PTPRG: variants seen among roughly 807,000 people sequenced by gnomAD.
The protein encoded by PTPRG is protein tyrosine phosphatase receptor type G.
PTPRG carries 102 observed loss-of-function variants against 165.3 expected under a neutral mutation model. The ratio of observed to expected loss-of-function variants is 0.62; its 90% CI spans 0.53 to 0.73. PTPRG has a LOEUF of 0.73. Among genes scored for constraint, PTPRG ranks in the 30% least tolerant of loss-of-function variants. The probability of loss-of-function intolerance (pLI) is 0.00; values close to 1 mark genes in which losing one functional copy is unlikely to be tolerated. For missense variants in PTPRG, 1,866 were observed against 1,861.4 expected (o/e 1.00, Z -0.05); for synonymous variants, 675 against 669.5 (o/e 1.01, Z -0.13).
At chr3:62,022,437 G>A (rs1200236483) in intron 4 of PTPRG, among the ~76,000 whole-genome samples, 1 of 152,142 alleles carries the variant, frequency 6.6e-6, no homozygotes, top group Non-Finnish European at 1.5e-5. Flanking sequence ...CAGACATAAT[G>A]CTTGTCACCT....
intron 2 of PTPRG, among the ~76,000 whole-genome samples, chr3:61,905,151 T>C (rs925967815): frequency 6.6e-6 from 1 of 152,214 alleles, no homozygotes; most frequent in Non-Finnish European, 1.5e-5. Flanking sequence ...TCTGATAGTC[T>C]GACTGCTCTG....
At chr3:61,752,795 A>AAAAAAAAAG (rs1553660803) in intron 2 of PTPRG, among the ~76,000 whole-genome samples, 4 of 108,248 alleles carry the variant, frequency 3.7e-5, no homozygotes, top group Admixed American at 1.0e-4. Context: ...CAAAAAAAAA[A>AAAAAAAAAG]AAAAAAGAAA....
At chr3:61,639,829 T>C (rs1575556912) in intron 1 of PTPRG, among the ~76,000 whole-genome samples, 1 of 143,540 alleles carries the variant, frequency 7.0e-6, no homozygotes, top group African/African-American at 2.6e-5. Context: ...TTTCTAGTTA[T>C]ACAGTCATAT....
chr3:61,883,179 A>G (rs2107475518), intron 2 of PTPRG, among the ~76,000 whole-genome samples: 1 of 152,342 alleles, frequency 6.6e-6, no homozygotes, highest in African/African-American at 2.4e-5. Flanking sequence ...GTAAAGGTTT[A>G]TCTTTACAAT....
intron 26 of PTPRG, among the ~76,000 whole-genome samples, chr3:62,280,973 G>C (rs372975318): frequency 6.6e-6 from 1 of 152,096 alleles, no homozygotes. Context: ...CACTGTATTT[G>C]GGAATCATGC....
intron 2 of PTPRG, among the ~76,000 whole-genome samples, chr3:61,774,870 C>G (rs1403716277): frequency 6.6e-6 from 1 of 152,032 alleles, no homozygotes; most frequent in Non-Finnish European, 1.5e-5. Context: ...ACTGAGTGAC[C>G]CAGAGATTGG....
intron 5 of PTPRG, among the ~76,000 whole-genome samples, chr3:62,081,964 C>A (rs963455487): frequency 3.3e-5 from 5 of 152,158 alleles, no homozygotes; most frequent in African/African-American, 1.2e-4. Context: ...ACACAATCTT[C>A]TCCTGTGCAC....
intron 1 of PTPRG, among the ~76,000 whole-genome samples, chr3:61,667,268 T>C (rs988109426): frequency 2.0e-5 from 3 of 152,204 alleles, no homozygotes; most frequent in African/African-American, 7.2e-5. Flanking sequence ...GGTGGGACAT[T>C]CTAACCTCGA....
intron 8 of PTPRG, among the ~76,000 whole-genome samples, chr3:62,174,236 A>G (rs1185933225): frequency 1.3e-5 from 2 of 152,374 alleles, no homozygotes; most frequent in East Asian, 1.9e-4. Context: ...TTCCAACAAC[A>G]TGAAACATAT....
rs117005613 is a variant in PTPRG at position 61,848,747 on chromosome 3, G to A, written c.190+99765G>A. Among the ~76,000 whole-genome samples the A allele has an allele frequency of 3.3e-3, 497 of 152,206 alleles. 8 individuals are homozygous for A. Among genetic ancestry groups the A allele is most frequent in the Admixed American group, 0.023 (353 of 15,294 alleles). ...ATGCTCAATCTAATGCTTTATTAAA[G>A]GAGAAGACACACCCACACACATGTA... On this transcript the variant is annotated intron_variant, in intron 2 of 29. Coordinates refer to ENST00000474889, the MANE Select transcript of PTPRG (RefSeq NM_002841.4).
chr3:61,627,994 A>C (rs570727432), intron 1 of PTPRG, among the ~76,000 whole-genome samples: 2 of 152,200 alleles, frequency 1.3e-5, no homozygotes, highest in African/African-American at 2.4e-5. Flanking sequence ...AGGAGTGCCA[A>C]CATTTTTGGG....
At chr3:61,743,735 A>G (rs929477534) in intron 1 of PTPRG, among the ~76,000 whole-genome samples, 8 of 152,228 alleles carry the variant, frequency 5.3e-5, no homozygotes, top group Non-Finnish European at 7.3e-5. Flanking sequence ...ACTTGGTAGA[A>G]TATATGTGTG....
chr3:61,586,468 C>T (rs1700437357), intron 1 of PTPRG, among the ~76,000 whole-genome samples: 1 of 152,108 alleles, frequency 6.6e-6, no homozygotes, highest in African/African-American at 2.4e-5. Flanking sequence ...GATCTCATTG[C>T]CTTGGATCTC....
chr3:61,880,279 T>G (rs1308740279), intron 2 of PTPRG, among the ~76,000 whole-genome samples: 1 of 152,198 alleles, frequency 6.6e-6, no homozygotes, highest in Non-Finnish European at 1.5e-5. Context: ...ATCTCCCCAC[T>G]GCTACCTTTT....
intron 2 of PTPRG, among the ~76,000 whole-genome samples, chr3:61,968,587 T>C (rs1204872403): frequency 6.6e-6 from 1 of 152,242 alleles, no homozygotes; most frequent in East Asian, 1.9e-4. Flanking sequence ...AGAGTGCTTC[T>C]GCCATTGTAT....
intron 5 of PTPRG, among the ~76,000 whole-genome samples, chr3:62,130,027 A>T (rs114081780): frequency 3.3e-5 from 5 of 152,210 alleles, no homozygotes; most frequent in African/African-American, 1.2e-4. Context: ...CTAATGGCTA[A>T]ATTTTGCTGT....
chr3:62,099,473 A>G (rs1436749359), intron 5 of PTPRG, among the ~76,000 whole-genome samples: 1 of 152,198 alleles, frequency 6.6e-6, no homozygotes, highest in African/African-American at 2.4e-5. Flanking sequence ...CAAATGCCCA[A>G]CATTTTGGAA....
rs894342932 is a variant in PTPRG at position 62,271,797 on chromosome 3, T to C, written c.3182+242T>C. ...CCCTAGTTTTTATAAAATCTTCTTA[T>C]TAATAATATCAGCCAGGCATGGAGG... On this transcript the variant is annotated intron_variant, in intron 21 of 29. Coordinates refer to ENST00000474889, the MANE Select transcript of PTPRG (RefSeq NM_002841.4). The surrounding 1 kb of genome is among the most constrained non-coding windows in gnomAD (Gnocchi z 4.1). 1.3e-5 allele frequency among the ~76,000 whole-genome samples: 2 copies of C among 152,108 alleles called. No homozygotes were observed. The highest frequency in any genetic ancestry group is 1.3e-4 in the Admixed American group (2 of 15,266).
intron 8 of PTPRG, among the ~76,000 whole-genome samples, chr3:62,171,371 T>C (rs559537276): frequency 2.0e-5 from 3 of 152,326 alleles, no homozygotes; most frequent in Admixed American, 1.3e-4. Context: ...CTTTACACTT[T>C]TGCCAGCAGT....
Sources: gnomAD v4.1 joint callset for allele counts (sites outside exome capture counted in the v4.1 genomes callset) on GRCh38, gnomAD v4.1.1 for gene constraint, Gnocchi (gnomAD v3.1) non-coding constraint, MANE v1.5 for transcripts, NCBI Gene and HGNC (gene_info 2026-07-23, HGNC 2026-07-21) for gene names.